Variants in FGD3 observed in about 807,000 individuals in gnomAD.
The protein encoded by FGD3 is FYVE, RhoGEF and PH domain containing 3.
Under a neutral mutation model 71.8 loss-of-function variants are expected in FGD3, and 45 were observed. The observed-to-expected ratio is 0.63, with a 90% CI of 0.49 to 0.80. The LOEUF is 0.80. FGD3 is among the 30% of genes least tolerant of loss of function. The pLI is 0.00. For missense variants in FGD3, 844 were observed against 951.5 expected (o/e 0.89, Z 1.49); for synonymous variants, 378 against 392.8 (o/e 0.96, Z 0.44).
At chr9:92,948,766 G>C (rs1858901149) in intron 1 of FGD3, among the ~76,000 whole-genome samples, 1 of 152,354 alleles carries the variant, frequency 6.6e-6, no homozygotes. Context: ...TCTGGCCACT[G>C]TCCATAGCTC....
Position 92,982,935 on chromosome 9 carries a change from A to C in FGD3, c.453+6226A>C, listed in dbSNP as rs369691981. 9.8e-4 allele frequency among the ~76,000 whole-genome samples: 149 copies of C among 152,000 alleles called. 1 individual carries two copies. Among genetic ancestry groups the C allele is most frequent in the African/African-American group, 3.5e-3 (144 of 41,430 alleles). Reference sequence around the variant, plus strand: ...ACCCTGTCTCTACTAAAAATACAAAAATTAGCTGGGCATGGTGGTGCTTGC... The same window carrying C: ...ACCCTGTCTCTACTAAAAATACAAACATTAGCTGGGCATGGTGGTGCTTGC... On this transcript the variant is annotated intron_variant, in intron 3 of 17. Transcript: ENST00000375482.
intron 13 of FGD3, among the ~76,000 whole-genome samples, chr9:93,020,818 T>G (rs973649239): frequency 6.6e-6 from 1 of 152,162 alleles, no homozygotes; most frequent in Non-Finnish European, 1.5e-5. Context: ...CGGCCACCTT[T>G]CCATGGCAGC....
chr9:93,001,583 C>A (rs1171631126), intron 3 of FGD3, among the ~76,000 whole-genome samples: 1 of 152,128 alleles, frequency 6.6e-6, no homozygotes, highest in Admixed American at 6.5e-5. Context: ...TTCCGTTGAC[C>A]CAAGATGGGT....
At position 92,954,778 on chromosome 9, in the gene FGD3, C is replaced by A. The variant is rs572099764; in HGVS notation, c.-218+7049C>A. ...CCCTGAGCCCTGGCCTCCTGGTTCCCCTTTGTCCTGCACCTTGGGCTGTGT... is the reference window on the plus strand; with the variant it reads ...CCCTGAGCCCTGGCCTCCTGGTTCCACTTTGTCCTGCACCTTGGGCTGTGT... On this transcript the variant is annotated intron_variant, in intron 1 of 17. Transcript: ENST00000375482. Among the ~76,000 whole-genome samples, 11 of 152,326 alleles carry A rather than the reference C, an allele frequency of 7.2e-5. No individual in the cohort carries two copies. The South Asian group carries it at 2.3e-3, about 32-fold the overall frequency.
Position 93,003,181 on chromosome 9 carries a change from T to G in FGD3, c.543+167T>G, listed in dbSNP as rs1325673039. Among the ~76,000 whole-genome samples the G allele has an allele frequency of 6.6e-6, 1 of 151,932 alleles. No individual in the cohort carries two copies. Among genetic ancestry groups the G allele is most frequent in the Non-Finnish European group, 1.5e-5 (1 of 67,994 alleles). ...TCTCACTCTGTCACCCAAGCTGGAG[T>G]GCAGTGGCGCGATCTTGGCTCACTG... On this transcript the variant is annotated intron_variant, in intron 4 of 17. Coordinates refer to ENST00000375482, the MANE Select transcript of FGD3 (RefSeq NM_001083536.2). The surrounding 1 kb of genome is among the most constrained non-coding windows in gnomAD (Gnocchi z 4.1).
In FGD3 at chr9:93,006,188, C is replaced by T. The variant is rs199518547; in HGVS notation, c.837+8C>T. Reference sequence around the variant, plus strand: ...GTCGTCCACAGCATCCAGGTAAGGCCGGCAGTGGGAGTGTGGACACAGATG... The same window carrying T: ...GTCGTCCACAGCATCCAGGTAAGGCTGGCAGTGGGAGTGTGGACACAGATG... On this transcript the variant is annotated splice_region_variant and intron_variant, in intron 6 of 17. Transcript: ENST00000375482. 25 of 1,551,138 alleles carry T rather than the reference C, an allele frequency of 1.6e-5. No homozygotes were observed. Among genetic ancestry groups the T allele is most frequent in the Admixed American group, 1.6e-4 (8 of 50,988 alleles).
At chr9:92,957,040 T>G (rs1489210624) in intron 1 of FGD3, among the ~76,000 whole-genome samples, 1 of 152,156 alleles carries the variant, frequency 6.6e-6, no homozygotes, top group Non-Finnish European at 1.5e-5. Context: ...TCCTTTTTAT[T>G]GCTGGATCCT....
intron 1 of FGD3, 135 bp downstream of exon 1, chr9:92,947,864 T>G (rs1193217588): frequency 6.6e-6 from 1 of 152,500 alleles, no homozygotes; most frequent in Non-Finnish European, 1.5e-5. Flanking sequence ...GAGACCCTTC[T>G]GCAGAAGGAG....
chr9:92,995,847 C>T (rs971451183), intron 3 of FGD3, among the ~76,000 whole-genome samples: 8 of 152,084 alleles, frequency 5.3e-5, no homozygotes, highest in African/African-American at 1.7e-4. Flanking sequence ...GATGGATAAG[C>T]CTTTTGATGT....
At position 93,034,542 on chromosome 9, in the gene FGD3, A is replaced by C; in HGVS notation, c.1787A>C (p.Lys596Thr). The C allele has an allele frequency of 6.2e-7, 1 of 1,609,752 alleles. No individual in the cohort carries two copies. Among genetic ancestry groups the C allele is most frequent in the South Asian group, 1.1e-5 (1 of 90,776 alleles). ...TAACCTGTGTCTTTGTGTCCCCAGA[A>C]GACACCCACTGCAGACCCCCAGCCC... ...TQPVAPESTE[K>T]TPTADPQPSL... Residue 596 changes from lysine to threonine, a missense_variant and splice_region_variant, in exon 17 of 18, where the codon AAG becomes ACG. Transcript: ENST00000375482.
chr9:92,994,439 T>C (rs1454897721), intron 3 of FGD3, among the ~76,000 whole-genome samples: 1 of 152,234 alleles, frequency 6.6e-6, no homozygotes, highest in Admixed American at 6.5e-5. Flanking sequence ...CTGATGGTAG[T>C]TTCTTTTGCT....
intron 3 of FGD3, among the ~76,000 whole-genome samples, chr9:92,985,532 G>T: frequency 6.6e-6 from 1 of 152,218 alleles, no homozygotes; most frequent in East Asian, 1.9e-4. Flanking sequence ...AGGCTGGAGT[G>T]CAGTGGCACA....
chr9:93,020,439 C>G lies in FGD3; in HGVS notation c.1494+15C>G. 1 of 1,607,938 alleles carries G rather than the reference C, an allele frequency of 6.2e-7. No individual in the cohort carries two copies. The highest frequency in any genetic ancestry group is 8.5e-7 in the Non-Finnish European group (1 of 1,176,682). On this transcript the variant is annotated intron_variant, in intron 13 of 17. Coordinates refer to ENST00000375482, the MANE Select transcript of FGD3 (RefSeq NM_001083536.2). ...CAGACATGCCTGTGAGTCAGTGGCC[C>G]GGGGTGCAGAGAGACCTCCAGGGGA...
intron 9 of FGD3, among the ~76,000 whole-genome samples, chr9:93,014,913 G>A (rs888006933): frequency 6.6e-6 from 1 of 152,094 alleles, no homozygotes; most frequent in Non-Finnish European, 1.5e-5. Context: ...GATTACAGGC[G>A]TGAGCCACCT....
At chr9:93,001,534 A>G (rs771844648) in intron 3 of FGD3, among the ~76,000 whole-genome samples, 20 of 152,286 alleles carry the variant, frequency 1.3e-4, no homozygotes, top group Non-Finnish European at 1.9e-4. Flanking sequence ...CAATGAATCT[A>G]TTCAAATAGC....
intron 3 of FGD3, among the ~76,000 whole-genome samples, chr9:92,988,359 A>T (rs547787604): frequency 2.0e-5 from 3 of 152,218 alleles, no homozygotes; most frequent in Non-Finnish European, 4.4e-5. Context: ...AAGACCCTGC[A>T]CAGGTTCCCT....
chr9:92,977,536 G>A (rs1341655007), intron 3 of FGD3, among the ~76,000 whole-genome samples: 1 of 152,124 alleles, frequency 6.6e-6, no homozygotes, highest in East Asian at 1.9e-4. Flanking sequence ...AGGGCAGTCC[G>A]GTGCCTGGAC....
intron 14 of FGD3, among the ~76,000 whole-genome samples, chr9:93,029,247 G>A (rs570922266): frequency 6.6e-6 from 1 of 151,856 alleles, no homozygotes; most frequent in East Asian, 1.9e-4. Flanking sequence ...CACCATGTTG[G>A]CCAGGCTGGT....
intron 8 of FGD3, 76 bp downstream of exon 8, chr9:93,011,348 C>T: frequency 6.4e-7 from 1 of 1,552,352 alleles, no homozygotes; most frequent in Non-Finnish European, 8.9e-7. Context: ...GTGGGCCAGC[C>T]CCTTTGCCGC....
Sources: gnomAD v4.1 joint callset for allele counts (sites outside exome capture counted in the v4.1 genomes callset) on GRCh38, gnomAD v4.1.1 for gene constraint, Gnocchi (gnomAD v3.1) non-coding constraint, MANE v1.5 for transcripts, NCBI Gene and HGNC (gene_info 2026-07-23, HGNC 2026-07-21) for gene names.